GPR158: variants seen among roughly 807,000 people sequenced by gnomAD.
The protein encoded by GPR158 is G protein-coupled receptor 158, also known as metabotropic glycine receptor.
Under a neutral mutation model 78.2 loss-of-function variants are expected in GPR158, and 30 were observed. That is an observed-to-expected ratio of 0.38 (90% CI 0.29 to 0.52). The LOEUF (loss-of-function observed/expected upper bound fraction) is 0.52. Among genes scored for constraint, GPR158 ranks in the 20% least tolerant of loss-of-function variants. GPR158 has a pLI of 0.83. For synonymous variants in GPR158, 581 were observed against 591.1 expected (o/e 0.98, Z 0.25); for missense variants, 1,463 against 1,523.5 (o/e 0.96, Z 0.66).
chr10:25,202,267 T>TA (rs1489008894), intron 1 of GPR158, among the ~76,000 whole-genome samples: 9 of 152,148 alleles, frequency 5.9e-5, no homozygotes, highest in Non-Finnish European at 1.3e-4. Context: ...CATTTTTTTT[T>TA]ATACTTTAAG....
chr10:25,316,634 T>C (rs961831139), intron 2 of GPR158, among the ~76,000 whole-genome samples: 8 of 152,184 alleles, frequency 5.3e-5, no homozygotes, highest in African/African-American at 1.9e-4. Flanking sequence ...TTCAGAAATA[T>C]TTGATGTCAT....
chr10:25,316,948 T>TATAC (rs1554793288), intron 2 of GPR158, among the ~76,000 whole-genome samples: 48 of 150,722 alleles, frequency 3.2e-4, no homozygotes, highest in Admixed American at 3.1e-3. Flanking sequence ...TATATATATA[T>TATAC]ACACTCTTCC....
At chr10:25,422,902 G>T (rs1259182471) in intron 4 of GPR158, among the ~76,000 whole-genome samples, 6 of 127,974 alleles carry the variant, frequency 4.7e-5, no homozygotes, top group African/African-American at 1.8e-4. Context: ...TCATTCTTAT[G>T]CCTTTGCGTC....
At chr10:25,251,960 G>A (rs1234929297) in intron 2 of GPR158, among the ~76,000 whole-genome samples, 4 of 151,980 alleles carry the variant, frequency 2.6e-5, no homozygotes, top group Admixed American at 2.6e-4. Flanking sequence ...CCAATCAGAC[G>A]TAGATTTGGT....
chr10:25,507,907 T>G (rs1362012434), intron 5 of GPR158, among the ~76,000 whole-genome samples: 1 of 152,236 alleles, frequency 6.6e-6, no homozygotes. Context: ...TAAAGTTATA[T>G]TCCATAAAAT....
intron 2 of GPR158, among the ~76,000 whole-genome samples, chr10:25,362,400 A>AT (rs773089913): frequency 1.3e-5 from 2 of 151,052 alleles, no homozygotes; most frequent in Admixed American, 6.6e-5. Context: ...AATTCTCTAA[A>AT]TTTTTTTTTC....
chr10:25,253,320 G>T (rs564742778), intron 2 of GPR158, among the ~76,000 whole-genome samples: 1 of 152,154 alleles, frequency 6.6e-6, no homozygotes, highest in Non-Finnish European at 1.5e-5. Context: ...GTTCCTATTC[G>T]GCCATCTTGG....
chr10:25,587,357 G>C (rs1054495180), intron 7 of GPR158, among the ~76,000 whole-genome samples: 1 of 152,194 alleles, frequency 6.6e-6, no homozygotes, highest in Non-Finnish European at 1.5e-5. Context: ...CAGTTTCCAA[G>C]TCAGGTTTAG....
intron 3 of GPR158, among the ~76,000 whole-genome samples, chr10:25,400,946 A>T (rs1374805560): frequency 2.0e-5 from 3 of 152,158 alleles, no homozygotes; most frequent in Non-Finnish European, 4.4e-5. Context: ...TAGAGACATA[A>T]AGAGTATGCA....
intron 5 of GPR158, among the ~76,000 whole-genome samples, chr10:25,468,765 T>C (rs1210957223): frequency 6.6e-6 from 1 of 152,172 alleles, no homozygotes; most frequent in African/African-American, 2.4e-5. Flanking sequence ...CGTTCAGTGG[T>C]TATTGTGTGC....
chr10:25,393,621 G>C (rs1282506844), intron 2 of GPR158: 1 of 152,152 alleles, frequency 6.6e-6, no homozygotes, highest in East Asian at 1.9e-4. Flanking sequence ...AGTATGTTTA[G>C]AGGTTCTAGC....
chr10:25,418,698 C>A, intron 4 of GPR158, among the ~76,000 whole-genome samples: 1 of 82,944 alleles, frequency 1.2e-5, no homozygotes. Flanking sequence ...AATTTATTTT[C>A]AGATGGAAAT....
At chr10:25,395,375 A>T (rs1328351961) in intron 2 of GPR158, among the ~76,000 whole-genome samples, 1 of 152,130 alleles carries the variant, frequency 6.6e-6, no homozygotes, top group East Asian at 1.9e-4. Context: ...TTGCATTTTT[A>T]AATTTACTTG....
At chr10:25,357,398 G>A (rs1855568991) in intron 2 of GPR158, among the ~76,000 whole-genome samples, 1 of 152,130 alleles carries the variant, frequency 6.6e-6, no homozygotes, top group South Asian at 2.1e-4. Context: ...CATGTCAGAG[G>A]TCTTCATGGC....
At chr10:25,184,803 A>G (rs1852658310) in intron 1 of GPR158, among the ~76,000 whole-genome samples, 1 of 152,206 alleles carries the variant, frequency 6.6e-6, no homozygotes, top group Non-Finnish European at 1.5e-5. Flanking sequence ...ACCAGTTTAG[A>G]CCGATGAGAT....
intron 5 of GPR158, among the ~76,000 whole-genome samples, chr10:25,503,062 T>A (rs192490088): frequency 1.1e-4 from 16 of 152,274 alleles, no homozygotes; most frequent in African/African-American, 3.6e-4. Context: ...TAGGAAAATC[T>A]AGGAATATAT....
chr10:25,561,218 G>A (rs1168027971), intron 6 of GPR158, among the ~76,000 whole-genome samples: 1 of 151,990 alleles, frequency 6.6e-6, no homozygotes, highest in Non-Finnish European at 1.5e-5. Context: ...CTGAATTCAT[G>A]TTCTTGAATA....
In GPR158 at chr10:25,581,721, A is replaced by G. The variant is rs186752026; in HGVS notation, c.1754-7286A>G. 2.6e-3 allele frequency among the ~76,000 whole-genome samples: 398 copies of G among 152,314 alleles called. 3 individuals carry two copies. The highest frequency in any genetic ancestry group is 2.8e-3 in the Non-Finnish European group (192 of 68,020). Reference sequence around the variant, plus strand: ...GATGCAGCCCGAGGGAAGGCAGATCACTAGTCAAAGCTACCAGGCTTTCAT... The same window carrying G: ...GATGCAGCCCGAGGGAAGGCAGATCGCTAGTCAAAGCTACCAGGCTTTCAT... On this transcript the variant is annotated intron_variant, in intron 7 of 10. Coordinates refer to ENST00000376351, the MANE Select transcript of GPR158 (RefSeq NM_020752.3).
At chr10:25,313,285 T>C (rs1854794964) in intron 2 of GPR158, among the ~76,000 whole-genome samples, 1 of 148,428 alleles carries the variant, frequency 6.7e-6, no homozygotes, top group Admixed American at 6.7e-5. Flanking sequence ...CATTAGGAGA[T>C]ATACCTAATG....
Sources: allele counts gnomAD v4.1 joint callset (sites outside exome capture counted in the v4.1 genomes callset), GRCh38; gene constraint gnomAD v4.1.1; transcripts MANE v1.5; gene names NCBI Gene and HGNC (gene_info 2026-07-23, HGNC 2026-07-21).